DAPK2: variants seen among roughly 807,000 people sequenced by gnomAD.
DAPK2 encodes death associated protein kinase 2, also known as death-associated protein kinase 2.
DAPK2 carries 35 observed loss-of-function variants against 44.1 expected under a neutral mutation model. The ratio of observed to expected loss-of-function variants is 0.79; its 90% confidence interval spans 0.61 to 1.05. DAPK2 has a LOEUF of 1.05. Ranked by LOEUF, DAPK2 falls within the 50% of genes least tolerant of loss-of-function variation. DAPK2 has a pLI of 0.00. For synonymous variants in DAPK2, 174 were observed against 182.6 expected, an observed-to-expected ratio of 0.95 and a Z score of 0.38; for missense variants, 453 against 483.2, an observed-to-expected ratio of 0.94 and a Z score of 0.59.
chr15:64,001,026 C>A (rs981509429), intron 1 of DAPK2, among the ~76,000 whole-genome samples: 1 of 151,898 alleles, frequency 6.6e-6, no homozygotes, highest in Non-Finnish European at 1.5e-5. Context: ...ATTACAGGTA[C>A]GTGCCACCAC....
At chr15:64,024,188 T>C (rs1187639749) in intron 1 of DAPK2, among the ~76,000 whole-genome samples, 1 of 152,078 alleles carries the variant, frequency 6.6e-6, no homozygotes, top group East Asian at 1.9e-4. Context: ...AAGCCTTAGG[T>C]GAAAATCAAT....
intron 3 of DAPK2, among the ~76,000 whole-genome samples, chr15:63,955,617 GGA>G (rs1219001004): frequency 6.6e-6 from 1 of 152,152 alleles, no homozygotes; most frequent in Non-Finnish European, 1.5e-5. Context: ...CACCGAGGCT[GGA>G]GTGAAATGGG....
intron 4 of DAPK2, chr15:63,935,507 A>T (rs973281976): frequency 3.3e-5 from 5 of 152,198 alleles, no homozygotes; most frequent in African/African-American, 1.2e-4. Flanking sequence ...GTTTTGAGAA[A>T]TATGCTGTAG....
In DAPK2 at chr15:63,908,477, G is replaced by A. The variant is rs372542107; in HGVS notation, c.*43C>T. On this transcript the variant is annotated 3_prime_UTR_variant, in exon 11 of 11. Coordinates refer to ENST00000261891, the Ensembl canonical transcript of DAPK2. The surrounding 1 kb of genome is among the most constrained non-coding windows in gnomAD (Gnocchi z 5.7). ...AAAAGTCTGCACAGAAGGGAGCCCC[G>A]CTGGGCCCAGACCTCCCTGGCGGCC... is the stretch of plus-strand genomic sequence containing the variant. 148 of 1,419,074 alleles carry A rather than the reference G, an allele frequency of 1.0e-4. 1 individual carries two copies. In the African/African-American group the frequency reaches 1.6e-3, roughly 15 times the overall value. 87.9% of individuals were successfully genotyped at this position (1,419,074 alleles called of 1,614,324 possible).
intron 2 of DAPK2, among the ~76,000 whole-genome samples, chr15:63,981,701 G>A (rs914519226): frequency 6.6e-6 from 1 of 150,486 alleles, no homozygotes; most frequent in Non-Finnish European, 1.5e-5. Flanking sequence ...GAAGTGGCTC[G>A]GCCTTTCCAG....
chr15:63,921,923 G>A (rs1340219635), intron 8 of DAPK2: 1 of 152,154 alleles, frequency 6.6e-6, no homozygotes, highest in Non-Finnish European at 1.5e-5. Context: ...ATCTGCAGGT[G>A]TATGCATTCC....
chr15:63,923,347 G>A lies in DAPK2; in HGVS notation c.858+1469C>T, dbSNP rs1166382903. The A allele has an allele frequency of 6.5e-7, 1 of 1,533,380 alleles. No homozygotes were observed. Among genetic ancestry groups the A allele is most frequent in the African/African-American group, 1.4e-5 (1 of 72,948 alleles). 95.0% of individuals were successfully genotyped at this position (1,533,380 alleles called of 1,614,324 possible). Reference sequence around the variant, plus strand: ...GGGCTCTGCCTTCTCCTTTTGACTGGTGGGTGTTCAGACAGAAGAATCAGA... The same window carrying A: ...GGGCTCTGCCTTCTCCTTTTGACTGATGGGTGTTCAGACAGAAGAATCAGA... On this transcript the variant is annotated intron_variant, in intron 8 of 10. Coordinates refer to ENST00000261891, the Ensembl canonical transcript of DAPK2. This position sits in a 1 kb window ranked among gnomAD's most constrained non-coding sequence, Gnocchi z 4.2.
intron 3 of DAPK2, among the ~76,000 whole-genome samples, chr15:63,956,908 A>C (rs2077740032): frequency 6.6e-6 from 1 of 152,182 alleles, no homozygotes; most frequent in Non-Finnish European, 1.5e-5. Context: ...AAAGACTTTT[A>C]TTGTGGCCTA....
chr15:63,987,504 A>G (rs1198216839), intron 1 of DAPK2, among the ~76,000 whole-genome samples: 1 of 152,204 alleles, frequency 6.6e-6, no homozygotes, highest in African/African-American at 2.4e-5. Context: ...AAGCACACAT[A>G]TTCCAGTATC....
intron 1 of DAPK2, among the ~76,000 whole-genome samples, chr15:64,033,285 G>GAA (rs1336505202): frequency 3.4e-5 from 2 of 59,630 alleles, no homozygotes; most frequent in African/African-American, 9.8e-5. Context: ...GAAGGGGGAA[G>GAA]GGGGAAGGAA....
intron 1 of DAPK2, among the ~76,000 whole-genome samples, chr15:63,998,736 A>G (rs866176556): frequency 1.3e-5 from 2 of 152,174 alleles, no homozygotes; most frequent in African/African-American, 2.4e-5. Context: ...CCTGCCCTGC[A>G]CTGTTCTGTC....
At chr15:64,022,227 C>T (rs1253210883) in intron 1 of DAPK2, among the ~76,000 whole-genome samples, 1 of 152,178 alleles carries the variant, frequency 6.6e-6, no homozygotes, top group Non-Finnish European at 1.5e-5. Flanking sequence ...GGTGATCTCA[C>T]AGAGACAAAA....
intron 3 of DAPK2, among the ~76,000 whole-genome samples, chr15:63,948,750 A>G (rs2077515134): frequency 6.6e-6 from 1 of 152,286 alleles, no homozygotes; most frequent in Admixed American, 6.5e-5. Context: ...AGCACTTCAC[A>G]GTTTACAAAG....
intron 1 of DAPK2, among the ~76,000 whole-genome samples, chr15:63,994,375 T>C (rs1170798403): frequency 2.0e-5 from 3 of 151,248 alleles, no homozygotes; most frequent in Admixed American, 2.0e-4. Flanking sequence ...ACATTCTTGA[T>C]TGTTTTTGAT....
intron 2 of DAPK2, among the ~76,000 whole-genome samples, chr15:63,976,792 T>C (rs2078362479): frequency 6.6e-6 from 1 of 152,354 alleles, no homozygotes; most frequent in African/African-American, 2.4e-5. Context: ...AAAAATAGAA[T>C]GTAAAATATC....
At position 63,941,032 on chromosome 15, in the gene DAPK2, T is replaced by C. The variant is rs865786939; in HGVS notation, c.454-1671A>G. 5.9e-5 allele frequency among the ~76,000 whole-genome samples: 9 copies of C among 152,368 alleles called. No individual in the cohort carries two copies. In the East Asian group the frequency reaches 1.2e-3, roughly 20 times the overall value. On this transcript the variant is annotated intron_variant, in intron 3 of 10. Transcript: ENST00000261891. ...CACATTAAGTGAATAAATTATATAG[T>C]ATGTGAATTATATCTCCATAAAGCT...
rs548627088 is a variant in DAPK2 at position 63,962,678 on chromosome 15, C to T, written c.453+8745G>A. On this transcript the variant is annotated intron_variant, in intron 3 of 10. Coordinates refer to ENST00000261891, the Ensembl canonical transcript of DAPK2. ...CTGCAGAACAGCAAATATTGCAGAA[C>T]GGTAGATGTTGCTGCCTGATCCCTC... Among the ~76,000 whole-genome samples the T allele has an allele frequency of 6.6e-5, 10 of 152,314 alleles. No individual in the cohort carries two copies. In the East Asian group the frequency reaches 7.7e-4, roughly 12 times the overall value.
At chr15:63,941,795 G>A (rs188645741) in intron 3 of DAPK2, among the ~76,000 whole-genome samples, 2 of 152,290 alleles carry the variant, frequency 1.3e-5, no homozygotes, top group Admixed American at 1.3e-4. Flanking sequence ...ATGAGGGTGG[G>A]TGAAGTCAGC....
chr15:63,967,688 C>G (rs1371023313), intron 3 of DAPK2, among the ~76,000 whole-genome samples: 1 of 151,992 alleles, frequency 6.6e-6, no homozygotes, highest in African/African-American at 2.4e-5. Flanking sequence ...GAGACTCTGT[C>G]TCAAAAAGAA....
Sources: allele counts gnomAD v4.1 joint callset (sites outside exome capture counted in the v4.1 genomes callset), GRCh38; gene constraint gnomAD v4.1.1; non-coding constraint Gnocchi (gnomAD v3.1); transcripts MANE v1.5; gene names NCBI Gene and HGNC (gene_info 2026-07-23, HGNC 2026-07-21).